The following INPP5F variants were observed in gnomAD, a reference collection of about 807,000 sequenced individuals.
The protein encoded by INPP5F is inositol polyphosphate-5-phosphatase F.
INPP5F carries 97 observed loss-of-function variants against 137.2 expected under a neutral mutation model. That is an observed-to-expected ratio of 0.71 (90% CI 0.60 to 0.84). The LOEUF is 0.84. INPP5F is among the 40% of genes least tolerant of loss of function. INPP5F has a pLI of 0.00. For missense variants in INPP5F, 1,271 were observed against 1,371.9 expected, an observed-to-expected ratio of 0.93 and a Z score of 1.16; for synonymous variants, 504 against 476.9, an observed-to-expected ratio of 1.06 and a Z score of -0.74.
intron 9 of INPP5F, 103 bp from the exon 10 acceptor site, chr10:119,804,070 A>T: frequency 1.3e-6 from 1 of 797,142 alleles, no homozygotes; most frequent in Non-Finnish European, 1.9e-6. Flanking sequence ...CATAATTCCA[A>T]ATTATTAAAA....
At chr10:119,808,402 G>A (rs2134250052) in intron 13 of INPP5F, among the ~76,000 whole-genome samples, 1 of 152,316 alleles carries the variant, frequency 6.6e-6, no homozygotes, top group African/African-American at 2.4e-5. Context: ...TCTGCTGGCA[G>A]GTTTTGGCCA....
intron 1 of INPP5F, among the ~76,000 whole-genome samples, chr10:119,738,356 A>G (rs1848273395): frequency 6.6e-6 from 1 of 152,184 alleles, no homozygotes; most frequent in African/African-American, 2.4e-5. Flanking sequence ...TGTATGCCAC[A>G]TTAGAGTATA....
At chr10:119,747,382 C>G (rs1304411067) in intron 1 of INPP5F, among the ~76,000 whole-genome samples, 1 of 151,976 alleles carries the variant, frequency 6.6e-6, no homozygotes, top group African/African-American at 2.4e-5. Context: ...CCACCACGCC[C>G]AGCTAATTTT....
chr10:119,826,948 ACT>A lies in INPP5F; in HGVS notation c.2569_2570del (p.Ser857IlefsTer4), dbSNP rs747178276. The A allele has an allele frequency of 3.1e-6, 5 of 1,613,850 alleles. No individual in the cohort carries two copies. The highest frequency in any genetic ancestry group is 4.2e-6 in the Non-Finnish European group (5 of 1,179,852). On this transcript the variant is annotated frameshift_variant, in exon 20 of 20. Transcript: ENST00000650623. LOFTEE classifies it high-confidence loss of function. ...GATGGGGACATGTCTTCAGATAATG[ACT>A]CATACCACTCTGATGAATTCCTTAC...
intron 15 of INPP5F, among the ~76,000 whole-genome samples, chr10:119,818,414 T>C (rs1460236601): frequency 6.6e-6 from 1 of 152,216 alleles, no homozygotes; most frequent in East Asian, 1.9e-4. Flanking sequence ...CACTGTCTCT[T>C]AGGCATGCGA....
At chr10:119,772,141 G>A (rs1256658150) in intron 2 of INPP5F, among the ~76,000 whole-genome samples, 1 of 151,556 alleles carries the variant, frequency 6.6e-6, no homozygotes. Flanking sequence ...CTCGTGATCT[G>A]CCTACCTCGG....
chr10:119,802,485 A>C (rs1266364243), intron 9 of INPP5F, among the ~76,000 whole-genome samples: 1 of 151,990 alleles, frequency 6.6e-6, no homozygotes, highest in Non-Finnish European at 1.5e-5. Context: ...ACAATAAAAA[A>C]CTCAAGTCAA....
chr10:119,753,797 A>G (rs1311633167), intron 2 of INPP5F, among the ~76,000 whole-genome samples: 2 of 152,236 alleles, frequency 1.3e-5, no homozygotes, highest in Non-Finnish European at 2.9e-5. Context: ...TCACTATTTT[A>G]TCAAGGCTCT....
At chr10:119,811,275 A>C (rs1181055560) in intron 14 of INPP5F, among the ~76,000 whole-genome samples, 1 of 152,122 alleles carries the variant, frequency 6.6e-6, no homozygotes, top group African/African-American at 2.4e-5. Flanking sequence ...CTTTCGCTGA[A>C]GCCTCCTCGA....
intron 6 of INPP5F, 151 bp downstream of exon 6, chr10:119,792,364 C>A (rs1850177729): frequency 1.5e-6 from 1 of 655,948 alleles, no homozygotes; most frequent in Non-Finnish European, 2.6e-6. Flanking sequence ...GAATGGGAAT[C>A]ATTTAGCCAG....
At chr10:119,789,535 C>T (rs747285705) in intron 3 of INPP5F, among the ~76,000 whole-genome samples, 3 of 151,756 alleles carry the variant, frequency 2.0e-5, no homozygotes, top group South Asian at 2.1e-4. Context: ...GAGTGATGGT[C>T]GTGAAAGCTC....
intron 1 of INPP5F, 71 bp downstream of exon 1, chr10:119,726,430 C>T: frequency 3.2e-6 from 3 of 927,170 alleles, no homozygotes; most frequent in Non-Finnish European, 4.2e-6. Context: ...GGCCGGACCC[C>T]TCAGCCGGGC....
Position 119,811,863 on chromosome 10 carries a change from A to G in INPP5F, c.1794A>G (p.Leu598=), listed in dbSNP as rs1851047478. 6.2e-7 allele frequency: 1 copy of G among 1,613,984 alleles called. No homozygotes were observed. Among genetic ancestry groups the G allele is most frequent in the African/African-American group, 1.3e-5 (1 of 74,938 alleles). The change falls in exon 15 of 20, where the codon CTA becomes CTG. Residue 598 remains leucine (L), a synonymous_variant. Coordinates refer to ENST00000650623, the MANE Select transcript of INPP5F (RefSeq NM_014937.4). ...HKENQRSHQE[L]ISQLLQSYMK... ...AAAATCAGAGAAGCCACCAGGAACT[A>G]ATTAGCCAGCTCTTACAAAGTTACA...
intron 2 of INPP5F, among the ~76,000 whole-genome samples, chr10:119,752,185 G>T (rs1848707500): frequency 6.6e-6 from 1 of 152,158 alleles, no homozygotes; most frequent in Non-Finnish European, 1.5e-5. Flanking sequence ...GTTTTTAGAA[G>T]TGTGTTTTTA....
Position 119,827,689 on chromosome 10 carries a change from G to T in INPP5F, c.3308G>T (p.Ser1103Ile). Residue 1103 changes from serine (S) to isoleucine (I), a missense_variant, in exon 20 of 20, where the codon AGT becomes ATT. This residue lies in a region of INPP5F where 490 missense variants were observed against 443.7 expected (regional missense o/e 1.10). Coordinates refer to ENST00000650623, the MANE Select transcript of INPP5F (RefSeq NM_014937.4). ...TTTGCAGTGTCAAAAGTTCAGAAGA[G>T]TCCTCCAGAACCTGAAATCATTAAT... ...INFAVSKVQK[S>I]PPEPEIINQV... 6.2e-7 allele frequency: 1 copy of T among 1,613,862 alleles called. No homozygotes were observed.
At chr10:119,732,243 G>A (rs12781640) in intron 1 of INPP5F, among the ~76,000 whole-genome samples, 125 of 151,854 alleles carry the variant, frequency 8.2e-4, no homozygotes, top group African/African-American at 2.8e-3. Flanking sequence ...CGCCACGTTG[G>A]CCACGCTGGT....
At position 119,726,212 on chromosome 10, in the gene INPP5F, GC is replaced by G; in HGVS notation, c.-47del. The G allele has an allele frequency of 8.1e-7, 1 of 1,229,996 alleles. No homozygotes were observed. Among genetic ancestry groups the G allele is most frequent in the Non-Finnish European group, 1.1e-6 (1 of 933,294 alleles). The allele number at this position is 1,229,996 out of a possible 1,614,324, so 76.2% of individuals were successfully genotyped here. A position where few individuals can be genotyped will look rare whatever the true frequency, so the allele number is the denominator to read the frequency against. ...TCTGGCGGCCTCGACCGACTAGGAC[GC>G]CCCGTGCGCCGCCCGCGGGCCGCCG... On this transcript the variant is annotated 5_prime_UTR_variant, in exon 1 of 20. Transcript: ENST00000650623.
chr10:119,749,713 C>T (rs1482085746), intron 1 of INPP5F, among the ~76,000 whole-genome samples: 1 of 152,190 alleles, frequency 6.6e-6, no homozygotes, highest in East Asian at 1.9e-4. Context: ...TTAAACTTAA[C>T]TCAGAGTTGT....
chr10:119,798,541 A>G lies in INPP5F; in HGVS notation c.1049-2A>G. 2 of 1,607,792 alleles carry G rather than the reference A, an allele frequency of 1.2e-6. No individual in the cohort carries two copies. Among genetic ancestry groups the G allele is most frequent in the Non-Finnish European group, 1.7e-6 (2 of 1,175,994 alleles). On this transcript the variant is annotated splice_acceptor_variant, in intron 8 of 19. Coordinates refer to ENST00000650623, the MANE Select transcript of INPP5F (RefSeq NM_014937.4). LOFTEE classifies it high-confidence loss of function. ...AAAAGATTTTGTATCACTTCTTTGT[A>G]GGTGAAAAGGAAACTGTTGCCTATT...
Sources: allele counts gnomAD v4.1 joint callset (sites outside exome capture counted in the v4.1 genomes callset), GRCh38; gene constraint gnomAD v4.1.1; regional missense constraint gnomAD v4.1.1; transcripts MANE v1.5; gene names NCBI Gene and HGNC (gene_info 2026-07-23, HGNC 2026-07-21).